CSNK2A1: variants seen among roughly 807,000 people sequenced by gnomAD.
CSNK2A1 encodes the protein casein kinase 2 alpha 1, also known as casein kinase II subunit alpha.
CSNK2A1 carries 10 observed loss-of-function variants against 62.9 expected under a neutral mutation model. The observed-to-expected ratio is 0.16, with a 90% CI of 0.10 to 0.27. The LOEUF is 0.27. Ranked by LOEUF, CSNK2A1 falls within the 10% of genes least tolerant of loss-of-function variation. The pLI is 1.00. For synonymous variants in CSNK2A1, 124 were observed against 167.8 expected (o/e 0.74, Z 2.02); for missense variants, 160 against 492.0 (o/e 0.33, Z 6.38).
rs2017773197 is a variant in CSNK2A1, at chr20:472,521, G to A, written c.*11440C>T. 1 of 153,530 alleles carries A rather than the reference G, an allele frequency of 6.5e-6. No homozygotes were observed. The highest frequency in any genetic ancestry group is 2.0e-4 in the South Asian group (1 of 4,900). The allele number at this position is 153,530 out of a possible 1,614,324, so 9.5% of individuals were successfully genotyped here. On this transcript the variant is annotated 3_prime_UTR_variant, in exon 14 of 14. Transcript: ENST00000217244. ...TATTCAGTGAGAGAGCAGGCTAGGG[G>A]ACTGCCAGCACTAGGGGCCGAAGAG... is the stretch of plus-strand genomic sequence containing the variant.
intron 12 of CSNK2A1, chr20:487,179 T>C (rs1340222145): frequency 3.7e-6 from 2 of 540,242 alleles, no homozygotes; most frequent in Non-Finnish European, 6.5e-6. Context: ...ACTGAGGCAC[T>C]GAGAAGTGTC....
chr20:533,990 TATTACCCTCTGGAACCAAAAGATGGAAAA>T (rs1391852981), intron 1 of CSNK2A1, among the ~76,000 whole-genome samples: 3 of 152,244 alleles, frequency 2.0e-5, no homozygotes, highest in Non-Finnish European at 1.5e-5. Context: ...CTCCACTGGC[TATTACCCTCTGGAACCAAAAGATGGAAAA>T]CTTCATTTGG....
intron 4 of CSNK2A1, chr20:503,353 G>T (rs1218147731): frequency 1.0e-5 from 4 of 397,106 alleles, no homozygotes; most frequent in South Asian, 1.4e-4. Flanking sequence ...TAGGTTAAAA[G>T]GACTACTATG....
chr20:517,091 T>C (rs577236795), intron 2 of CSNK2A1, among the ~76,000 whole-genome samples: 1 of 152,332 alleles, frequency 6.6e-6, no homozygotes, highest in East Asian at 1.9e-4. Context: ...CAACATAAAC[T>C]GGTAAGAGAC....
Position 487,227 on chromosome 20 carries a change from CTT to C in CSNK2A1, c.973+198_973+199del, listed in dbSNP as rs111425565. ...TGAAAAGAGTTTATTTAGGAATGCTCTTGTGTCATGTATTCTGTTACAGAAGA... is the reference window on the plus strand; with the variant it reads ...TGAAAAGAGTTTATTTAGGAATGCTCGTGTCATGTATTCTGTTACAGAAGA... On this transcript the variant is annotated intron_variant, in intron 12 of 13. Coordinates refer to ENST00000217244, the MANE Select transcript of CSNK2A1 (RefSeq NM_177559.3). 4,447 of 686,324 alleles carry C rather than the reference CTT, an allele frequency of 6.5e-3. 137 individuals are homozygous for C. The African/African-American group carries it at 0.07, about 11-fold the overall frequency. The allele number at this position is 686,324 out of a possible 1,614,324, so 42.5% of individuals were successfully genotyped here.
At chr20:518,649 C>T (rs547435772) in intron 2 of CSNK2A1, among the ~76,000 whole-genome samples, 1 of 151,946 alleles carries the variant, frequency 6.6e-6, no homozygotes, top group Non-Finnish European at 1.5e-5. Context: ...TGGGTTCACG[C>T]CATTCTCCTG....
intron 13 of CSNK2A1, among the ~76,000 whole-genome samples, chr20:485,830 T>C (rs563426626): frequency 6.6e-6 from 1 of 152,370 alleles, no homozygotes; most frequent in African/African-American, 2.4e-5. Flanking sequence ...GTTGCCTATA[T>C]GTATAATTCT....
intron 13 of CSNK2A1, among the ~76,000 whole-genome samples, chr20:485,101 A>ATAATAATAATAAT (rs2018057838): frequency 9.4e-5 from 3 of 31,864 alleles, no homozygotes; most frequent in African/African-American, 3.1e-4. Context: ...AAAAAAAAAA[A>ATAATAATAATAAT]AAAAAAAAAT....
At position 475,978 on chromosome 20, in the gene CSNK2A1, T is replaced by C. The variant is rs773536469; in HGVS notation, c.*7983A>G. The C allele has an allele frequency of 3.3e-5, 5 of 152,196 alleles. No homozygotes were observed. The highest frequency in any genetic ancestry group is 3.8e-4 in the East Asian group (2 of 5,198). The allele number at this position is 152,196 out of a possible 1,614,324, so 9.4% of individuals were successfully genotyped here. On this transcript the variant is annotated 3_prime_UTR_variant, in exon 14 of 14. Coordinates refer to ENST00000217244, the MANE Select transcript of CSNK2A1 (RefSeq NM_177559.3). ...AACTACATACAGTTGCCTTAGAAATTTGTGAGACTAAGACTAGACAGAGAA... is the reference window on the plus strand; with the variant it reads ...AACTACATACAGTTGCCTTAGAAATCTGTGAGACTAAGACTAGACAGAGAA...
intron 4 of CSNK2A1, chr20:501,069 CTT>C (rs563750464): frequency 1.2e-4 from 16 of 137,428 alleles, no homozygotes; most frequent in Non-Finnish European, 1.6e-4. Flanking sequence ...TTTATAAAGC[CTT>C]TTTTTTTTTT....
intron 2 of CSNK2A1, among the ~76,000 whole-genome samples, chr20:511,606 A>G (rs2018719803): frequency 6.6e-6 from 1 of 152,134 alleles, no homozygotes; most frequent in African/African-American, 2.4e-5. Flanking sequence ...TTGTTTATTT[A>G]ATTTAGCATA....
Position 487,465 on chromosome 20 carries a change from C to T in CSNK2A1, c.935G>A (p.Arg312Gln), listed in dbSNP as rs2122506319. 1 of 1,614,144 alleles carries T rather than the reference C, an allele frequency of 6.2e-7. No homozygotes were observed. The highest frequency in any genetic ancestry group is 8.5e-7 in the Non-Finnish European group (1 of 1,180,030). The change falls in exon 12 of 14, where the codon CGG (arginine) becomes CAG (glutamine). Residue 312 changes from arginine (R) to glutamine (Q), a missense_variant. Physicochemically the swap from Arg to Gln is conservative, Grantham distance 43. This residue lies in a region of CSNK2A1 where 51 missense variants were observed against 108.8 expected (regional missense o/e 0.47). Transcript: ENST00000217244. ...CTCCATTGCCTCTCTTGCAGTAAGC[C>T]GTGACTGGTGGTCATATCGCAGCAG... ...DKLLRYDHQS[R>Q]LTAREAMEHP...
At chr20:505,496 A>G (rs2018559603) in intron 3 of CSNK2A1, among the ~76,000 whole-genome samples, 1 of 150,466 alleles carries the variant, frequency 6.6e-6, no homozygotes, top group African/African-American at 2.4e-5. Context: ...AGCAGCTGGG[A>G]CCACAGGCGC....
intron 9 of CSNK2A1, 110 bp from the exon 10 acceptor site, chr20:489,991 T>C (rs554443170): frequency 2.6e-6 from 2 of 778,098 alleles, no homozygotes; most frequent in Non-Finnish European, 3.8e-6. Context: ...TGACTCAAAA[T>C]CAAAACACTA....
intron 1 of CSNK2A1, among the ~76,000 whole-genome samples, chr20:532,441 T>G (rs1027830036): frequency 2.0e-5 from 3 of 151,504 alleles, no homozygotes; most frequent in Non-Finnish European, 4.4e-5. Context: ...CCTCCCAAAG[T>G]GCTGGGATTA....
At position 478,331 on chromosome 20, in the gene CSNK2A1, T is replaced by C. The variant is rs569790159; in HGVS notation, c.*5630A>G. The stretch of plus-strand genomic sequence containing the variant: ...TCATAGGAAGTTCACCATGGAGTTC[T>C]TGGAACTGTTCAACACACAGAAGCA... On this transcript the variant is annotated 3_prime_UTR_variant, in exon 14 of 14. Coordinates refer to ENST00000217244, the MANE Select transcript of CSNK2A1 (RefSeq NM_177559.3). The C allele has an allele frequency of 1.6e-4, 28 of 173,456 alleles. No homozygotes were observed. The South Asian group carries it at 1.7e-3, about 11-fold the overall frequency. The allele number at this position is 173,456 out of a possible 1,614,324, so 10.7% of individuals were successfully genotyped here. A position where few individuals can be genotyped will look rare whatever the true frequency, so the allele number is the denominator to read the frequency against.
In CSNK2A1 at chr20:505,248, T is replaced by A; in HGVS notation, c.102-19A>T. On this transcript the variant is annotated intron_variant, in intron 3 of 13. Transcript: ENST00000217244. ...TTGATTTCTGTGGACACAAACAAAATGACTTATAAACGGTCAAATTATCAG... is the reference window on the plus strand; with the variant it reads ...TTGATTTCTGTGGACACAAACAAAAAGACTTATAAACGGTCAAATTATCAG... 2 of 1,593,412 alleles carry A rather than the reference T, an allele frequency of 1.3e-6. No individual in the cohort carries two copies. Among genetic ancestry groups the A allele is most frequent in the Non-Finnish European group, 1.7e-6 (2 of 1,162,946 alleles).
At chr20:525,245 C>T (rs533265997) in intron 2 of CSNK2A1, among the ~76,000 whole-genome samples, 4 of 152,136 alleles carry the variant, frequency 2.6e-5, no homozygotes, top group African/African-American at 4.8e-5. Context: ...GGTGTGGTTG[C>T]TCATGCCTGT....
intron 6 of CSNK2A1, chr20:498,038 C>T: frequency 5.7e-6 from 2 of 352,136 alleles, no homozygotes; most frequent in Non-Finnish European, 1.1e-5. Context: ...GATCTAGATA[C>T]GTTAATATGC....
Sources: allele counts gnomAD v4.1 joint callset (sites outside exome capture counted in the v4.1 genomes callset), GRCh38; gene constraint gnomAD v4.1.1; regional missense constraint gnomAD v4.1.1; transcripts MANE v1.5; gene names NCBI Gene and HGNC (gene_info 2026-07-23, HGNC 2026-07-21).